The following PRKCA variants were observed in gnomAD, a reference collection of about 807,000 sequenced individuals.
The protein encoded by PRKCA is protein kinase C alpha type.
A neutral mutation model predicts 87.0 loss-of-function variants in PRKCA; 27 were observed. The observed-to-expected ratio is 0.31, with a 90% CI of 0.23 to 0.43. The LOEUF (loss-of-function observed/expected upper bound fraction) is 0.43, where lower values mean the gene tolerates loss of function less well. PRKCA is among the 20% of genes least tolerant of loss of function. The probability of loss-of-function intolerance (pLI) is 1.00; values close to 1 mark genes in which losing one functional copy is unlikely to be tolerated. For missense variants in PRKCA, 518 were observed against 852.3 expected, an observed-to-expected ratio of 0.61 and a Z score of 4.88; for synonymous variants, 329 against 311.1, an observed-to-expected ratio of 1.06 and a Z score of -0.61.
chr17:66,682,797 C>T (rs1221043842), intron 5 of PRKCA, among the ~76,000 whole-genome samples: 2 of 152,104 alleles, frequency 1.3e-5, no homozygotes, highest in East Asian at 1.9e-4. Flanking sequence ...AGAAATGAGC[C>T]GTGGGACCTG....
chr17:66,618,031 C>T (rs1970561840), intron 3 of PRKCA, among the ~76,000 whole-genome samples: 1 of 152,086 alleles, frequency 6.6e-6, no homozygotes, highest in Non-Finnish European at 1.5e-5. Context: ...AGAATCTTGT[C>T]CTGGAGGTGT....
At position 66,303,611 on chromosome 17, in the gene PRKCA, G is replaced by A. The variant is rs185182191; in HGVS notation, c.173+587G>A. Among the ~76,000 whole-genome samples the A allele has an allele frequency of 4.5e-3, 689 of 152,254 alleles. 5 individuals are homozygous for A. The highest frequency in any genetic ancestry group is 6.9e-3 in the Non-Finnish European group (470 of 68,020). On this transcript the variant is annotated intron_variant, in intron 1 of 16. Coordinates refer to ENST00000413366, the MANE Select transcript of PRKCA (RefSeq NM_002737.3). ...GGCACGGAGAGACTGACTTTTCTGAGTGAGCAGAGAGAGAGAGAGCAAACT... is the reference window on the plus strand; with the variant it reads ...GGCACGGAGAGACTGACTTTTCTGAATGAGCAGAGAGAGAGAGAGCAAACT...
intron 3 of PRKCA, among the ~76,000 whole-genome samples, chr17:66,572,371 G>A (rs1425450999): frequency 6.6e-6 from 1 of 152,082 alleles, no homozygotes; most frequent in African/African-American, 2.4e-5. Flanking sequence ...GGAGGCTGAG[G>A]CAGGAGAATA....
At chr17:66,732,373 C>A (rs755745480) in intron 8 of PRKCA, among the ~76,000 whole-genome samples, 4 of 152,150 alleles carry the variant, frequency 2.6e-5, no homozygotes, top group Non-Finnish European at 5.9e-5. Flanking sequence ...CTGTTTTTCC[C>A]AAGAAGTCGA....
chr17:66,344,089 G>A (rs1035327174), intron 2 of PRKCA, among the ~76,000 whole-genome samples: 3 of 152,156 alleles, frequency 2.0e-5, no homozygotes. Context: ...CACTGACTAA[G>A]TATGTTCAGT....
At chr17:66,351,030 T>C (rs1159412918) in intron 2 of PRKCA, among the ~76,000 whole-genome samples, 2 of 152,352 alleles carry the variant, frequency 1.3e-5, no homozygotes, top group Non-Finnish European at 2.9e-5. Flanking sequence ...TGTGCCAGTT[T>C]CCTCTGTCTT....
intron 5 of PRKCA, among the ~76,000 whole-genome samples, chr17:66,682,008 C>T (rs1972507829): frequency 6.6e-6 from 1 of 152,210 alleles, no homozygotes; most frequent in African/African-American, 2.4e-5. Context: ...TACTGTGGTG[C>T]ACCTGTGGCT....
chr17:66,417,768 TA>T (rs1452068702), intron 2 of PRKCA, among the ~76,000 whole-genome samples: 1 of 152,128 alleles, frequency 6.6e-6, no homozygotes, highest in Non-Finnish European at 1.5e-5. Context: ...CTGATAGAGA[TA>T]GTTATTCCTC....
chr17:66,593,036 C>G (rs775485008), intron 3 of PRKCA, among the ~76,000 whole-genome samples: 1 of 152,174 alleles, frequency 6.6e-6, no homozygotes, highest in Non-Finnish European at 1.5e-5. Context: ...ATGATCCACC[C>G]GCCTCAGCCT....
intron 2 of PRKCA, among the ~76,000 whole-genome samples, chr17:66,372,900 T>C (rs1290142224): frequency 6.6e-6 from 1 of 152,016 alleles, no homozygotes; most frequent in Admixed American, 6.6e-5. Flanking sequence ...TCTACTAAAA[T>C]ACAAAAATTA....
At chr17:66,471,645 ATTT>A (rs554913573) in intron 2 of PRKCA, among the ~76,000 whole-genome samples, 7 of 137,876 alleles carry the variant, frequency 5.1e-5, no homozygotes, top group Non-Finnish European at 3.2e-5. Context: ...CTGTTTTCTA[ATTT>A]TTTTTTTTTT....
chr17:66,789,105 C>A, intron 16 of PRKCA, 126 bp downstream of exon 16: 2 of 1,210,386 alleles, frequency 1.7e-6, no homozygotes, highest in African/African-American at 1.6e-5. Context: ...AGGAAACGGG[C>A]CAGGTTTCAG....
At chr17:66,790,128 A>AC (rs1490266245) in intron 16 of PRKCA, among the ~76,000 whole-genome samples, 1 of 152,088 alleles carries the variant, frequency 6.6e-6, no homozygotes, top group Admixed American at 6.5e-5. Context: ...AGGCCAGGGG[A>AC]CCCACCTGGG....
intron 13 of PRKCA, among the ~76,000 whole-genome samples, chr17:66,760,454 A>G (rs1974658278): frequency 6.6e-6 from 1 of 152,224 alleles, no homozygotes; most frequent in South Asian, 2.1e-4. Context: ...AAAAGAAGAA[A>G]GATCTAAAAT....
At chr17:66,405,401 A>G (rs980590827) in intron 2 of PRKCA, among the ~76,000 whole-genome samples, 3 of 152,186 alleles carry the variant, frequency 2.0e-5, no homozygotes, top group African/African-American at 4.8e-5. Flanking sequence ...TGCTTTCCTC[A>G]GACTAATCCA....
At chr17:66,385,313 T>A (rs777991192) in intron 2 of PRKCA, among the ~76,000 whole-genome samples, 5 of 152,248 alleles carry the variant, frequency 3.3e-5, no homozygotes, top group African/African-American at 7.2e-5. Flanking sequence ...TTGTATGTGC[T>A]ATAGAAGGAA....
chr17:66,571,839 G>C (rs1969087631), intron 3 of PRKCA, among the ~76,000 whole-genome samples: 1 of 152,208 alleles, frequency 6.6e-6, no homozygotes, highest in Admixed American at 6.5e-5. Context: ...TTACCACTGA[G>C]TGTTTTGCTT....
chr17:66,461,568 T>C (rs1914856440), intron 2 of PRKCA, among the ~76,000 whole-genome samples: 1 of 152,212 alleles, frequency 6.6e-6, no homozygotes, highest in East Asian at 1.9e-4. Context: ...AATTCTGTGC[T>C]TATTTTGTGT....
intron 2 of PRKCA, among the ~76,000 whole-genome samples, chr17:66,366,761 C>T (rs983480365): frequency 2.0e-5 from 3 of 152,128 alleles, no homozygotes; most frequent in Non-Finnish European, 4.4e-5. Context: ...ATTTTTACTC[C>T]AGTAAATCTT....
Sources: gnomAD v4.1 joint callset for allele counts (sites outside exome capture counted in the v4.1 genomes callset) on GRCh38, gnomAD v4.1.1 for gene constraint, MANE v1.5 for transcripts, NCBI Gene and HGNC (gene_info 2026-07-23, HGNC 2026-07-21) for gene names.